DSCAM: variants seen among roughly 807,000 people sequenced by gnomAD.
DSCAM encodes the protein DS cell adhesion molecule.
Under a neutral mutation model 217.7 loss-of-function variants are expected in DSCAM, and 47 were observed. The ratio of observed to expected loss-of-function variants is 0.22; its 90% CI spans 0.17 to 0.28. The LOEUF is 0.28. Among genes scored for constraint, DSCAM ranks in the 10% least tolerant of loss-of-function variants. The pLI is 1.00. For missense variants in DSCAM, 2,080 were observed against 2,618.3 expected (o/e 0.79, Z 4.49); for synonymous variants, 1,056 against 1,015.3 (o/e 1.04, Z -0.76).
At chr21:40,611,315 A>T (rs2089312036) in intron 3 of DSCAM, among the ~76,000 whole-genome samples, 1 of 152,008 alleles carries the variant, frequency 6.6e-6, no homozygotes, top group Non-Finnish European at 1.5e-5. Flanking sequence ...CCTTGGCCTC[A>T]CAAAGTGTTG....
chr21:40,302,568 G>C (rs16999652), intron 9 of DSCAM, among the ~76,000 whole-genome samples: 2,736 of 152,232 alleles, frequency 0.018, 89 homozygotes, highest in African/African-American at 0.063. Context: ...GAGATGAATA[G>C]GTTCAACTAC....
intron 3 of DSCAM, among the ~76,000 whole-genome samples, chr21:40,515,599 T>C (rs1036905942): frequency 1.3e-5 from 2 of 152,142 alleles, no homozygotes; most frequent in Non-Finnish European, 2.9e-5. Flanking sequence ...TAGAGGAGTG[T>C]TGTAAAACTC....
At chr21:40,047,897 T>C (rs914123008) in intron 30 of DSCAM, among the ~76,000 whole-genome samples, 25 of 152,202 alleles carry the variant, frequency 1.6e-4, no homozygotes, top group African/African-American at 6.0e-4. Flanking sequence ...GTCTCAGCAA[T>C]AAAGATTCAA....
chr21:40,033,529 C>T (rs2088572188), intron 32 of DSCAM, among the ~76,000 whole-genome samples: 1 of 151,670 alleles, frequency 6.6e-6, no homozygotes, highest in South Asian at 2.1e-4. Context: ...GTCCCACACC[C>T]ACTGAGTCTT....
intron 32 of DSCAM, among the ~76,000 whole-genome samples, chr21:40,039,736 A>G (rs2088708764): frequency 6.6e-6 from 1 of 152,252 alleles, no homozygotes; most frequent in Non-Finnish European, 1.5e-5. Flanking sequence ...CTGAAGCCAC[A>G]GTCTGGCCAA....
chr21:40,684,074 AAT>A (rs1258934616), intron 3 of DSCAM, among the ~76,000 whole-genome samples: 2 of 151,486 alleles, frequency 1.3e-5, no homozygotes, highest in African/African-American at 4.8e-5. Context: ...AAAAAAAAAA[AAT>A]AGCCAGGTGT....
At chr21:40,352,920 A>G (rs1464347368) in intron 5 of DSCAM, among the ~76,000 whole-genome samples, 2 of 152,134 alleles carry the variant, frequency 1.3e-5, no homozygotes, top group East Asian at 3.9e-4. Context: ...GATCAAATAA[A>G]TCCATTATAT....
intron 3 of DSCAM, among the ~76,000 whole-genome samples, chr21:40,389,046 T>C (rs895334777): frequency 1.3e-5 from 2 of 152,236 alleles, no homozygotes; most frequent in Admixed American, 1.3e-4. Context: ...ATGTATTTAA[T>C]AAAAGTAGGA....
At chr21:40,413,047 C>T (rs756857513) in intron 3 of DSCAM, among the ~76,000 whole-genome samples, 3 of 152,216 alleles carry the variant, frequency 2.0e-5, no homozygotes, top group Non-Finnish European at 2.9e-5. Flanking sequence ...CCTGCGAGTG[C>T]ACAGAAGTCA....
At chr21:40,214,557 T>A (rs903781426) in intron 11 of DSCAM, among the ~76,000 whole-genome samples, 1 of 151,958 alleles carries the variant, frequency 6.6e-6, no homozygotes, top group Admixed American at 6.6e-5. Context: ...GTAAACAGCT[T>A]TGAAAGAAGC....
Position 40,347,960 on chromosome 21 carries a change from AAGAG to A in DSCAM, c.935-19_935-16del, listed in dbSNP as rs749916397. 16 of 1,601,880 alleles carry A rather than the reference AAGAG, an allele frequency of 1.0e-5. No individual in the cohort carries two copies. Among genetic ancestry groups the A allele is most frequent in the Non-Finnish European group, 1.3e-5 (15 of 1,173,458 alleles). On this transcript the variant is annotated splice_polypyrimidine_tract_variant and intron_variant, in intron 5 of 32. Transcript: ENST00000400454. ...TTTCAGTGGCTCTGGAGGTTTTAGT[AAGAG>A]AGAGAGAAAAAAGATAAAAACATCA... is the stretch of plus-strand genomic sequence containing the variant.
chr21:40,530,117 C>T (rs2076431651), intron 3 of DSCAM, among the ~76,000 whole-genome samples: 1 of 152,170 alleles, frequency 6.6e-6, no homozygotes, highest in Admixed American at 6.5e-5. Context: ...TCCACACTGC[C>T]CCCAGAAGTG....
intron 11 of DSCAM, among the ~76,000 whole-genome samples, chr21:40,235,928 A>G (rs1250345351): frequency 1.3e-5 from 2 of 152,194 alleles, no homozygotes; most frequent in Non-Finnish European, 2.9e-5. Context: ...CTATTATTCA[A>G]AAGTAAGGTT....
intron 3 of DSCAM, among the ~76,000 whole-genome samples, chr21:40,462,126 C>T (rs540595716): frequency 1.3e-5 from 2 of 152,178 alleles, no homozygotes; most frequent in Non-Finnish European, 2.9e-5. Context: ...GATTTTTAAC[C>T]CACGTCTTTC....
chr21:40,377,103 G>C (rs926862927), intron 3 of DSCAM, among the ~76,000 whole-genome samples: 1 of 152,112 alleles, frequency 6.6e-6, no homozygotes, highest in Non-Finnish European at 1.5e-5. Flanking sequence ...ATCCTAATCA[G>C]AGCCAACAGG....
At position 40,042,809 on chromosome 21, in the gene DSCAM, G is replaced by A. The variant is rs893757345; in HGVS notation, c.5384-136C>T. On this transcript the variant is annotated intron_variant, in intron 31 of 32. Coordinates refer to ENST00000400454, the MANE Select transcript of DSCAM (RefSeq NM_001389.5). ...TGGTAGGAGTTCTGGCTCCTTGGCGGAGGCTCCTGCCTTAGGCACTCTGAG... is the reference window on the plus strand; with the variant it reads ...TGGTAGGAGTTCTGGCTCCTTGGCGAAGGCTCCTGCCTTAGGCACTCTGAG... The A allele has an allele frequency of 2.0e-5, 17 of 835,978 alleles. No individual in the cohort carries two copies. In the African/African-American group the frequency reaches 2.6e-4, roughly 13 times the overall value. The allele number at this position is 835,978 out of a possible 1,614,324, so 51.8% of individuals were successfully genotyped here. A position where few individuals can be genotyped will look rare whatever the true frequency, so the allele number is the denominator to read the frequency against.
At chr21:40,706,427 A>AC (rs2090718693) in intron 2 of DSCAM, among the ~76,000 whole-genome samples, 1 of 152,054 alleles carries the variant, frequency 6.6e-6, no homozygotes, top group African/African-American at 2.4e-5. Context: ...TGATGAGTAA[A>AC]CCTTCCTTCA....
At chr21:40,488,287 G>A (rs1299068306) in intron 3 of DSCAM, among the ~76,000 whole-genome samples, 1 of 152,190 alleles carries the variant, frequency 6.6e-6, no homozygotes, top group Non-Finnish European at 1.5e-5. Context: ...AGCAAGGGCT[G>A]CTCTGCTAAA....
At chr21:40,120,135 T>A (rs973603697) in intron 20 of DSCAM, among the ~76,000 whole-genome samples, 2 of 152,186 alleles carry the variant, frequency 1.3e-5, no homozygotes, top group African/African-American at 4.8e-5. Context: ...TGCCCAGGTC[T>A]TCTGGGTAAG....
Sources: gnomAD v4.1 joint callset for allele counts (sites outside exome capture counted in the v4.1 genomes callset) on GRCh38, gnomAD v4.1.1 for gene constraint, MANE v1.5 for transcripts, NCBI Gene and HGNC (gene_info 2026-07-23, HGNC 2026-07-21) for gene names.